ZSWIM6: variants seen among roughly 807,000 people sequenced by gnomAD.
The protein encoded by ZSWIM6 is zinc finger SWIM-type containing 6, also known as zinc finger SWIM domain-containing protein 6.
A neutral mutation model predicts 113.2 loss-of-function variants in ZSWIM6; 9 were observed. The ratio of observed to expected loss-of-function variants is 0.08; its 90% confidence interval spans 0.05 to 0.14. The LOEUF (loss-of-function observed/expected upper bound fraction) is 0.14, where lower values mean the gene tolerates loss of function less well. ZSWIM6 is among the 10% of genes least tolerant of loss of function. The pLI is 1.00. For missense variants in ZSWIM6, 1,162 were observed against 1,552.2 expected (o/e 0.75, Z 4.22); for synonymous variants, 611 against 606.5 (o/e 1.01, Z -0.11).
Position 61,342,113 on chromosome 5 carries a change from C to T in ZSWIM6, c.676+9165C>T, listed in dbSNP as rs376129947. 3.3e-5 allele frequency among the ~76,000 whole-genome samples: 5 copies of T among 152,158 alleles called. No homozygotes were observed. In the South Asian group the frequency reaches 1.0e-3, roughly 32 times the overall value. ...CAGGCTAGTCTTGCACTCCTGACCT[C>T]AAGTGATCCACCCACCTCGGCCTCC... is the stretch of plus-strand genomic sequence containing the variant. On this transcript the variant is annotated intron_variant, in intron 1 of 13. Coordinates refer to ENST00000252744, the MANE Select transcript of ZSWIM6 (RefSeq NM_020928.2).
chr5:61,477,739 C>A (rs953332629), intron 2 of ZSWIM6, among the ~76,000 whole-genome samples: 27 of 152,188 alleles, frequency 1.8e-4, no homozygotes, highest in Non-Finnish European at 2.9e-5. Flanking sequence ...CATAGCTCTT[C>A]ATTTTCATTT....
At chr5:61,377,599 C>G (rs1330250953) in intron 1 of ZSWIM6, among the ~76,000 whole-genome samples, 4 of 151,984 alleles carry the variant, frequency 2.6e-5, no homozygotes, top group African/African-American at 9.7e-5. Flanking sequence ...TACCTGTAAT[C>G]CCAGCTACTC....
At chr5:61,333,966 C>A (rs1157519244) in intron 1 of ZSWIM6, among the ~76,000 whole-genome samples, 2 of 152,210 alleles carry the variant, frequency 1.3e-5, no homozygotes, top group African/African-American at 2.4e-5. Context: ...GTCCCCGCGG[C>A]GCGGCAGCCC....
chr5:61,428,015 C>G (rs553333121), intron 1 of ZSWIM6, among the ~76,000 whole-genome samples: 1 of 151,856 alleles, frequency 6.6e-6, no homozygotes, highest in East Asian at 1.9e-4. Context: ...CTGGAGATGG[C>G]TTTCTTAATT....
chr5:61,362,620 A>C (rs565014421), intron 1 of ZSWIM6, among the ~76,000 whole-genome samples: 3 of 152,244 alleles, frequency 2.0e-5, no homozygotes, highest in South Asian at 4.2e-4. Flanking sequence ...TTCATCCTCT[A>C]TCTGCCCTCT....
At chr5:61,494,164 AC>A in intron 3 of ZSWIM6, 95 bp from the exon 4 acceptor site, 1 of 1,323,862 alleles carries the variant, frequency 7.6e-7, no homozygotes, top group Non-Finnish European at 1.0e-6. Flanking sequence ...AGAGAGAGAA[AC>A]AGAGAAAAGT....
intron 1 of ZSWIM6, among the ~76,000 whole-genome samples, chr5:61,351,470 T>A (rs1744781605): frequency 6.6e-6 from 1 of 152,218 alleles, no homozygotes; most frequent in Admixed American, 6.5e-5. Context: ...TACATTCCCT[T>A]CTTTTGGAAA....
intron 1 of ZSWIM6, among the ~76,000 whole-genome samples, chr5:61,334,020 C>T (rs1387465202): frequency 6.6e-6 from 1 of 152,170 alleles, no homozygotes; most frequent in Non-Finnish European, 1.5e-5. Context: ...TTTTTTTGTG[C>T]CCCTTTCAGT....
chr5:61,474,518 A>G (rs1362175029), intron 2 of ZSWIM6, among the ~76,000 whole-genome samples: 1 of 152,230 alleles, frequency 6.6e-6, no homozygotes, highest in Non-Finnish European at 1.5e-5. Context: ...AACACATATC[A>G]TAATATTCAT....
At chr5:61,491,180 GA>G (rs1463105948) in intron 3 of ZSWIM6, among the ~76,000 whole-genome samples, 1 of 151,774 alleles carries the variant, frequency 6.6e-6, no homozygotes, top group Non-Finnish European at 1.5e-5. Flanking sequence ...ATACAATTTT[GA>G]AAAACCTCTT....
chr5:61,333,481 A>T (rs924051242), intron 1 of ZSWIM6, among the ~76,000 whole-genome samples: 1 of 151,596 alleles, frequency 6.6e-6, no homozygotes, highest in African/African-American at 2.4e-5. Context: ...GGGGAGGGGA[A>T]TACACTTAAA....
intron 3 of ZSWIM6, 134 bp downstream of exon 3, chr5:61,491,068 T>C: frequency 3.8e-6 from 3 of 796,102 alleles, no homozygotes; most frequent in Non-Finnish European, 5.2e-6. Flanking sequence ...CAATAGAAAC[T>C]TTTGTATTGT....
At chr5:61,336,166 A>C (rs1744389404) in intron 1 of ZSWIM6, among the ~76,000 whole-genome samples, 1 of 152,128 alleles carries the variant, frequency 6.6e-6, no homozygotes, top group Non-Finnish European at 1.5e-5. Flanking sequence ...TGGGAGGCTG[A>C]GGTGGAAGGA....
intron 1 of ZSWIM6, among the ~76,000 whole-genome samples, chr5:61,337,172 G>T (rs1384024373): frequency 6.6e-6 from 1 of 152,088 alleles, no homozygotes; most frequent in African/African-American, 2.4e-5. Flanking sequence ...CCCGCCGCTC[G>T]GGAGGCTGGG....
intron 10 of ZSWIM6, 103 bp from the exon 11 acceptor site, chr5:61,538,711 C>A: frequency 7.6e-7 from 1 of 1,316,414 alleles, no homozygotes; most frequent in Non-Finnish European, 1.0e-6. Context: ...GAGTAGAGGC[C>A]TGAACATCTA....
At chr5:61,334,291 T>A (rs979126534) in intron 1 of ZSWIM6, among the ~76,000 whole-genome samples, 17 of 152,328 alleles carry the variant, frequency 1.1e-4, no homozygotes, top group African/African-American at 4.1e-4. Context: ...TGAGCCAGAC[T>A]GAAAAGAACA....
At chr5:61,395,009 A>C (rs542573537) in intron 1 of ZSWIM6, among the ~76,000 whole-genome samples, 75 of 152,272 alleles carry the variant, frequency 4.9e-4, no homozygotes, top group African/African-American at 1.6e-3. Flanking sequence ...GCTTTGATTT[A>C]TGGGCACAGT....
intron 1 of ZSWIM6, among the ~76,000 whole-genome samples, chr5:61,389,448 G>A (rs1458176971): frequency 6.6e-6 from 1 of 151,058 alleles, no homozygotes; most frequent in Admixed American, 6.6e-5. Context: ...CTGGCTACTC[G>A]GGAGGCTGAG....
intron 1 of ZSWIM6, among the ~76,000 whole-genome samples, chr5:61,341,232 C>T (rs963336974): frequency 1.6e-3 from 42 of 25,994 alleles, no homozygotes; most frequent in African/African-American, 0.012. Flanking sequence ...GTGAGTGTGC[C>T]CTACAATGGG....
Sources: allele counts gnomAD v4.1 joint callset (sites outside exome capture counted in the v4.1 genomes callset), GRCh38; gene constraint gnomAD v4.1.1; transcripts MANE v1.5; gene names NCBI Gene and HGNC (gene_info 2026-07-23, HGNC 2026-07-21).